The following SMPD4 variants were observed in gnomAD, a reference collection of about 807,000 sequenced individuals.
SMPD4 encodes the protein sphingomyelin phosphodiesterase 4.
A neutral mutation model predicts 97.8 loss-of-function variants in SMPD4; 58 were observed. The observed-to-expected ratio is 0.59, with a 90% CI of 0.48 to 0.74. The LOEUF (loss-of-function observed/expected upper bound fraction) is 0.74, where lower values mean the gene tolerates loss of function less well. Ranked by LOEUF, SMPD4 falls within the 30% of genes least tolerant of loss-of-function variation. SMPD4 has a pLI of 0.00. For synonymous variants in SMPD4, 388 were observed against 450.0 expected (o/e 0.86, Z 1.74); for missense variants, 853 against 1,080.5 (o/e 0.79, Z 2.95).
chr2:130,162,550 G>A (rs1180663327), intron 10 of SMPD4, among the ~76,000 whole-genome samples: 2 of 152,182 alleles, frequency 1.3e-5, no homozygotes, highest in Non-Finnish European at 2.9e-5. Flanking sequence ...GAACACAGTG[G>A]CCTACAGCGC....
chr2:130,176,710 C>A, intron 1 of SMPD4, 73 bp from the exon 2 acceptor site: 2 of 1,295,654 alleles, frequency 1.5e-6, no homozygotes, highest in Admixed American at 2.0e-5. Flanking sequence ...TTTTTAGAGA[C>A]AGGGTCTTGT....
At chr2:130,154,115 G>A (rs1470506607) in intron 16 of SMPD4, 162 bp downstream of exon 16, 29 of 1,129,608 alleles carry the variant, frequency 2.6e-5, no homozygotes, top group Middle Eastern at 3.0e-4. Flanking sequence ...CACTGCCTTC[G>A]TTATCAGGAA....
intron 9 of SMPD4, among the ~76,000 whole-genome samples, chr2:130,167,006 T>C (rs1293789418): frequency 2.0e-5 from 3 of 152,274 alleles, no homozygotes; most frequent in Non-Finnish European, 4.4e-5. Flanking sequence ...TTTACTTTCA[T>C]GTTTTCTAAA....
rs1686340890 is a variant in SMPD4, at chr2:130,152,640, C to A, written c.2399G>T (p.Cys800Phe). 2 of 1,559,924 alleles carry A rather than the reference C, an allele frequency of 1.3e-6. No individual in the cohort carries two copies. Among genetic ancestry groups the A allele is most frequent in the South Asian group, 2.4e-5 (2 of 84,782 alleles). ...ASLFCVGPLP[C>F]TLLLTLGYVL... The stretch of plus-strand genomic sequence containing the variant: ...ATAGCCCAGGGTGAGCAGCAGCGTG[C>A]ATGGGAGGGGCCCGACGCAGAACAG... The change falls in exon 20 of 20, where the codon TGC (cysteine) becomes TTC (phenylalanine). Residue 800 changes from cysteine (C) to phenylalanine (F), a missense_variant. Transcript: ENST00000680298.
rs752802268 is a variant in SMPD4, at chr2:130,153,082, G to A, written c.2115C>T (p.Val705=). The stretch of plus-strand genomic sequence containing the variant: ...CAGACGACAGCCTAAAGAGTGTGCG[G>A]ACCAAGCTGGCGATCTCATAGCTCC... ...PIRSYEIASL[V]RTLFRLSSAI... The change falls in exon 19 of 20, where the codon GTC becomes GTT. Residue 705 remains valine, a synonymous_variant. Transcript: ENST00000680298. 3.7e-6 allele frequency: 6 copies of A among 1,613,018 alleles called. No individual in the cohort carries two copies. The African/African-American group carries it at 8.0e-5, about 22-fold the overall frequency.
chr2:130,158,471 C>G (rs1457415269), intron 11 of SMPD4, among the ~76,000 whole-genome samples: 6 of 152,140 alleles, frequency 3.9e-5, no homozygotes, highest in African/African-American at 7.2e-5. Flanking sequence ...TGTGTGCCAC[C>G]ATGCCCAGCT....
At chr2:130,157,607 C>G (rs1488692001) in intron 11 of SMPD4, 16 of 1,018,200 alleles carry the variant, frequency 1.6e-5, no homozygotes, top group Non-Finnish European at 1.7e-5. Context: ...CTGTGACCAG[C>G]TTGTGGTATG....
In SMPD4 at chr2:130,151,746, G is replaced by T; in HGVS notation, c.*809C>A. 1 of 149,746 alleles carries T rather than the reference G, an allele frequency of 6.7e-6. No individual in the cohort carries two copies. Among genetic ancestry groups the T allele is most frequent in the Non-Finnish European group, 1.5e-5 (1 of 67,688 alleles). The allele number at this position is 149,746 out of a possible 1,614,324, so 9.3% of individuals were successfully genotyped here. ...ATGTCTTTGAGCACTTGATGTTACT[G>T]AAGTGACAATGCTTCTGACCATCTT... is the stretch of plus-strand genomic sequence containing the variant. On this transcript the variant is annotated 3_prime_UTR_variant, in exon 20 of 20. Transcript: ENST00000680298.
chr2:130,172,754 C>A (rs976696024), intron 6 of SMPD4, 33 bp downstream of exon 6: 3 of 1,614,080 alleles, frequency 1.9e-6, no homozygotes, highest in Admixed American at 1.7e-5. Context: ...GGGCCACCCA[C>A]AGCCTCCCTA....
intron 2 of SMPD4, among the ~76,000 whole-genome samples, chr2:130,175,628 C>T (rs986568012): frequency 6.6e-6 from 1 of 152,182 alleles, no homozygotes; most frequent in Non-Finnish European, 1.5e-5. Context: ...AGACTCAGGA[C>T]AAGGACTAAT....
In SMPD4 at chr2:130,167,533, T is replaced by C; in HGVS notation, c.717A>G (p.Arg239=). 1.2e-6 allele frequency: 2 copies of C among 1,613,806 alleles called. No individual in the cohort carries two copies. Among genetic ancestry groups the C allele is most frequent in the Non-Finnish European group, 1.7e-6 (2 of 1,179,820 alleles). Residue 239 remains arginine (R), a synonymous_variant, in exon 9 of 20, where the codon CGA becomes CGG. Coordinates refer to ENST00000680298, the MANE Select transcript of SMPD4 (RefSeq NM_017951.5). ...YGLHHTSLLK[R]HISHQTSVNA... ...TCACAGACGTCTGATGAGAGATGTG[T>C]CGCTTTAGGAGGCTAGTGTGGTGGA... is the stretch of plus-strand genomic sequence containing the variant.
intron 9 of SMPD4, among the ~76,000 whole-genome samples, chr2:130,166,927 C>A (rs10196643): frequency 2.0e-5 from 3 of 152,016 alleles, no homozygotes; most frequent in Non-Finnish European, 4.4e-5. Context: ...AACGAAACAA[C>A]TTCCATGGAC....
intron 11 of SMPD4, among the ~76,000 whole-genome samples, chr2:130,160,807 C>T (rs1473210094): frequency 2.6e-5 from 4 of 152,280 alleles, no homozygotes; most frequent in African/African-American, 9.6e-5. Flanking sequence ...TCCTAAGCGC[C>T]AGACCCTGCA....
Position 130,155,264 on chromosome 2 carries a change from G to A in SMPD4, c.1290-5C>T. 6.2e-7 allele frequency: 1 copy of A among 1,613,942 alleles called. No individual in the cohort carries two copies. The highest frequency in any genetic ancestry group is 8.5e-7 in the Non-Finnish European group (1 of 1,179,950). On this transcript the variant is annotated splice_polypyrimidine_tract_variant and splice_region_variant and intron_variant, in intron 14 of 19. Transcript: ENST00000680298. ...TTCTCCTGGACAAAGGGTGCCCTGG[G>A]GACCGAGGTGGCAGGTTGGGGCCAG...
intron 2 of SMPD4, among the ~76,000 whole-genome samples, chr2:130,175,913 C>A (rs1688942166): frequency 2.6e-5 from 4 of 152,158 alleles, no homozygotes; most frequent in Admixed American, 2.6e-4. Context: ...TAAATGTTTA[C>A]AAAAACACCT....
chr2:130,152,340 C>G lies in SMPD4; in HGVS notation c.*215G>C. On this transcript the variant is annotated 3_prime_UTR_variant, in exon 20 of 20. Coordinates refer to ENST00000680298, the MANE Select transcript of SMPD4 (RefSeq NM_017951.5). The stretch of plus-strand genomic sequence containing the variant: ...AGCTCTGCGCTGTCACAGAGCGTAG[C>G]TGTTGAGCCCTGGCAGCTACTCCTT... The G allele has an allele frequency of 3.4e-6, 2 of 595,332 alleles. No homozygotes were observed. Among genetic ancestry groups the G allele is most frequent in the South Asian group, 4.2e-5 (2 of 47,686 alleles). 36.9% of individuals were successfully genotyped at this position (595,332 alleles called of 1,614,324 possible). A position where few individuals can be genotyped will look rare whatever the true frequency, so the allele number is the denominator to read the frequency against.
In SMPD4 at chr2:130,163,407, A is replaced by G. The variant is rs1687617957; in HGVS notation, c.864+967T>C. On this transcript the variant is annotated intron_variant, in intron 10 of 19. Coordinates refer to ENST00000680298, the MANE Select transcript of SMPD4 (RefSeq NM_017951.5). The stretch of plus-strand genomic sequence containing the variant: ...TGAGAGAGCCTCCACATGGCAAAGC[A>G]TGGGGCCATGGAACTGGCTGCAGAC... Among the ~76,000 whole-genome samples the G allele has an allele frequency of 2.0e-5, 3 of 152,358 alleles. No individual in the cohort carries two copies. In the South Asian group the frequency reaches 6.2e-4, roughly 32 times the overall value.
Position 130,176,167 on chromosome 2 carries a change from C to G in SMPD4, c.39+387G>C, listed in dbSNP as rs527484518. 5.3e-5 allele frequency among the ~76,000 whole-genome samples: 8 copies of G among 152,314 alleles called. No individual in the cohort carries two copies. The South Asian group carries it at 1.7e-3, about 32-fold the overall frequency. ...CTTAAAGTGCAACCTAGCAGGCCCC[C>G]GCACAACAGTGTCTCCATTTTTCAC... On this transcript the variant is annotated intron_variant, in intron 2 of 19. Coordinates refer to ENST00000680298, the MANE Select transcript of SMPD4 (RefSeq NM_017951.5).
chr2:130,175,102 G>A lies in SMPD4; in HGVS notation c.40-102C>T. On this transcript the variant is annotated intron_variant, in intron 2 of 19. Transcript: ENST00000680298. ...AACAGAAATCCAAGCAATAGGTTAT[G>A]AGTCAGACCCATAACCTCTGGCCTG... 3.7e-6 allele frequency: 3 copies of A among 813,468 alleles called. No individual in the cohort carries two copies. In the South Asian group the frequency reaches 4.4e-5, roughly 12 times the overall value. 50.4% of individuals were successfully genotyped at this position (813,468 alleles called of 1,614,324 possible). A position where few individuals can be genotyped will look rare whatever the true frequency, so the allele number is the denominator to read the frequency against.
Sources: gnomAD v4.1 joint callset for allele counts (sites outside exome capture counted in the v4.1 genomes callset) on GRCh38, gnomAD v4.1.1 for gene constraint, MANE v1.5 for transcripts, NCBI Gene and HGNC (gene_info 2026-07-23, HGNC 2026-07-21) for gene names.